The following HDAC1 variants were observed in gnomAD, a reference collection of about 807,000 sequenced individuals.
HDAC1 encodes the protein protein deacetylase HDAC1.
In HDAC1, 18 loss-of-function variants were observed where a neutral mutation model predicts 65.5. The ratio of observed to expected loss-of-function variants is 0.27; its 90% CI spans 0.19 to 0.41. The LOEUF is 0.41. Ranked by LOEUF, HDAC1 falls within the 10% of genes least tolerant of loss-of-function variation. The pLI is 1.00. For missense variants in HDAC1, 373 were observed against 625.2 expected (o/e 0.60, Z 4.30); for synonymous variants, 211 against 227.9 (o/e 0.93, Z 0.67).
intron 3 of HDAC1, 48 bp downstream of exon 3, chr1:32,316,830 C>T (rs201518508): frequency 6.6e-5 from 77 of 1,163,934 alleles, no homozygotes; most frequent in Non-Finnish European, 9.7e-5. Context: ...AGTTGCATCT[C>T]CCTTTCCACT....
rs965448654 is a variant in HDAC1, at chr1:32,316,537, C to T, written c.163-128C>T. 1.1e-5 allele frequency: 7 copies of T among 652,594 alleles called. No individual in the cohort carries two copies. The African/African-American group carries it at 1.3e-4, about 12-fold the overall frequency. The allele number at this position is 652,594 out of a possible 1,614,324, so 40.4% of individuals were successfully genotyped here. On this transcript the variant is annotated intron_variant, in intron 2 of 13. Transcript: ENST00000373548. ...AAATTTCTTGAAGCCTGAATCTAACCAGTTATTTCTTTTTATTCTTTATAG... is the reference window on the plus strand; with the variant it reads ...AAATTTCTTGAAGCCTGAATCTAACTAGTTATTTCTTTTTATTCTTTATAG...
At chr1:32,316,831 C>G in intron 3 of HDAC1, 49 bp downstream of exon 3, 1 of 1,159,048 alleles carries the variant, frequency 8.6e-7, no homozygotes, top group Non-Finnish European at 1.3e-6. Context: ...GTTGCATCTC[C>G]CTTTCCACTG....
intron 2 of HDAC1, among the ~76,000 whole-genome samples, chr1:32,311,173 A>G (rs1640986122): frequency 6.6e-6 from 1 of 152,114 alleles, no homozygotes; most frequent in Non-Finnish European, 1.5e-5. Flanking sequence ...AGAATCAAAG[A>G]TGATTCTTGC....
At chr1:32,307,953 AAG>A (rs1325607315) in intron 2 of HDAC1, among the ~76,000 whole-genome samples, 1 of 152,324 alleles carries the variant, frequency 6.6e-6, no homozygotes, top group East Asian at 1.9e-4. Context: ...ATATTTGTGA[AAG>A]AGAGCAGGGG....
intron 2 of HDAC1, 28 bp downstream of exon 2, chr1:32,302,761 C>A (rs775414902): frequency 1.0e-6 from 1 of 954,252 alleles, no homozygotes; most frequent in Non-Finnish European, 1.7e-6. Flanking sequence ...CTACCGCTCC[C>A]TAACCTCATC....
intron 12 of HDAC1, 26 bp from the exon 13 acceptor site, chr1:32,332,675 G>A: frequency 3.9e-6 from 6 of 1,547,658 alleles, no homozygotes; most frequent in Non-Finnish European, 5.2e-6. Context: ...GCTGCCCTTG[G>A]CCATCCCTGT....
At chr1:32,299,735 A>G (rs910291882) in intron 1 of HDAC1, among the ~76,000 whole-genome samples, 5 of 152,182 alleles carry the variant, frequency 3.3e-5, no homozygotes, top group African/African-American at 1.2e-4. Flanking sequence ...CCTCTAGATT[A>G]AGTGCAAACT....
chr1:32,299,081 T>C lies in HDAC1; in HGVS notation c.50-3540T>C, dbSNP rs148865656. Among the ~76,000 whole-genome samples, 468 of 152,262 alleles carry C rather than the reference T, an allele frequency of 3.1e-3. 1 individual carries two copies. Among genetic ancestry groups the C allele is most frequent in the African/African-American group, 0.011 (445 of 41,544 alleles). The stretch of plus-strand genomic sequence containing the variant: ...GTCTCTCAGCAACCTGATTAAGATA[T>C]AGAGATATATCTTTATTTTAATTAC... On this transcript the variant is annotated intron_variant, in intron 1 of 13. Coordinates refer to ENST00000373548, the MANE Select transcript of HDAC1 (RefSeq NM_004964.3).
In HDAC1 at chr1:32,302,637, C is replaced by T. The variant is rs769077731; in HGVS notation, c.66C>T (p.Tyr22=). 6.3e-7 allele frequency: 1 copy of T among 1,576,150 alleles called. No homozygotes were observed. The highest frequency in any genetic ancestry group is 1.3e-5 in the African/African-American group (1 of 74,196). Residue 22 remains tyrosine (Y), a synonymous_variant, in exon 2 of 14, where the codon TAC becomes TAT. Coordinates refer to ENST00000373548, the MANE Select transcript of HDAC1 (RefSeq NM_004964.3). ...CTTCTTCAGGGGATGTTGGAAATTA[C>T]TATTATGGACAAGGCCACCCAATGA... The part of the protein sequence containing the change: ...CYYYDGDVGN[Y]YYGQGHPMKP...
intron 3 of HDAC1, among the ~76,000 whole-genome samples, chr1:32,322,997 A>G (rs1254283076): frequency 1.6e-4 from 25 of 152,110 alleles, no homozygotes. Flanking sequence ...ATATATTTTC[A>G]CAGGCTTTTA....
chr1:32,330,628 G>T lies in HDAC1; in HGVS notation c.780G>T (p.Gln260His). 1 of 1,614,052 alleles carries T rather than the reference G, an allele frequency of 6.2e-7. No homozygotes were observed. Among genetic ancestry groups the T allele is most frequent in the Non-Finnish European group, 8.5e-7 (1 of 1,179,948 alleles). Residue 260 changes from glutamine (Q) to histidine (H), a missense_variant, in exon 8 of 14, where the codon CAG (glutamine) becomes CAT (histidine). Coordinates refer to ENST00000373548, the MANE Select transcript of HDAC1 (RefSeq NM_004964.3). The surrounding 1 kb of genome is among the most constrained non-coding windows in gnomAD (Gnocchi z 4.2). ...TCCAGCCTAGTGCGGTGGTCTTACA[G>T]TGTGGCTCAGACTCCCTATCTGGGG... ...EMFQPSAVVLQCGSDSLSGDR... is the reference protein window; with the variant it reads ...EMFQPSAVVLHCGSDSLSGDR...
intron 4 of HDAC1, among the ~76,000 whole-genome samples, chr1:32,325,491 T>C (rs534314737): frequency 1.3e-5 from 2 of 152,374 alleles, no homozygotes; most frequent in South Asian, 2.1e-4. Context: ...TTCTTTTGTG[T>C]GTGTGTTTAT....
intron 1 of HDAC1, among the ~76,000 whole-genome samples, chr1:32,296,425 C>T (rs1640767483): frequency 6.6e-6 from 1 of 152,154 alleles, no homozygotes; most frequent in African/African-American, 2.4e-5. Context: ...AGTGCAGTGG[C>T]ATGATCCTGG....
chr1:32,302,913 T>G (rs1640868586), intron 2 of HDAC1, among the ~76,000 whole-genome samples, 180 bp downstream of exon 2: 1 of 152,232 alleles, frequency 6.6e-6, no homozygotes, highest in South Asian at 2.1e-4. Context: ...GGCTCACGCC[T>G]GTAATCACAG....
In HDAC1 at chr1:32,332,918, C is replaced by T. The variant is rs955317471; in HGVS notation, c.1422-99C>T. On this transcript the variant is annotated intron_variant, in intron 13 of 13. Transcript: ENST00000373548. Reference sequence around the variant, plus strand: ...CTAGGCAGAGCTAGGAGCCCCAGCCCCCAGTAGTCACCTAGGATCCTGTGG... The same window carrying T: ...CTAGGCAGAGCTAGGAGCCCCAGCCTCCAGTAGTCACCTAGGATCCTGTGG... The T allele has an allele frequency of 1.0e-4, 139 of 1,329,346 alleles. No homozygotes were observed. In the Admixed American group the frequency reaches 2.5e-3, roughly 24 times the overall value. 82.3% of individuals were successfully genotyped at this position (1,329,346 alleles called of 1,614,324 possible).
chr1:32,326,859 T>C lies in HDAC1; in HGVS notation c.356-80T>C, dbSNP rs1641226595. ...CTGTTGAATAGGCAGGTCTTAACCT[T>C]TCACTAGGTTCCCTGGGCTTCTTGG... On this transcript the variant is annotated intron_variant, in intron 4 of 13. Coordinates refer to ENST00000373548, the MANE Select transcript of HDAC1 (RefSeq NM_004964.3). The C allele has an allele frequency of 4.6e-6, 7 of 1,526,846 alleles. No individual in the cohort carries two copies. The South Asian group carries it at 8.2e-5, about 18-fold the overall frequency. 94.6% of individuals were successfully genotyped at this position (1,526,846 alleles called of 1,614,324 possible). A position where few individuals can be genotyped will look rare whatever the true frequency, so the allele number is the denominator to read the frequency against.
chr1:32,292,107 GA>G lies in HDAC1; in HGVS notation c.-62del, dbSNP rs1416363223. 12 of 1,512,672 alleles carry G rather than the reference GA, an allele frequency of 7.9e-6. No homozygotes were observed. The African/African-American group carries it at 1.4e-4, about 17-fold the overall frequency. The allele number at this position is 1,512,672 out of a possible 1,614,324, so 93.7% of individuals were successfully genotyped here. On this transcript the variant is annotated 5_prime_UTR_variant, in exon 1 of 14. Coordinates refer to ENST00000373548, the MANE Select transcript of HDAC1 (RefSeq NM_004964.3). The stretch of plus-strand genomic sequence containing the variant: ...CCCCCTCCCCCCTGGGTCGGACGCT[GA>G]GCGGAGCCGCGGGCGGGAGGGCGGA...
chr1:32,296,188 G>A (rs763894634), intron 1 of HDAC1, among the ~76,000 whole-genome samples: 3 of 152,156 alleles, frequency 2.0e-5, no homozygotes, highest in Non-Finnish European at 4.4e-5. Flanking sequence ...ATAAATATTT[G>A]TTGATTAAAT....
intron 2 of HDAC1, among the ~76,000 whole-genome samples, chr1:32,307,839 T>G (rs1468618870): frequency 6.6e-6 from 1 of 152,156 alleles, no homozygotes; most frequent in Non-Finnish European, 1.5e-5. Context: ...TTCAGAGATT[T>G]GGGATAAGGG....
Sources: gnomAD v4.1 joint callset for allele counts (sites outside exome capture counted in the v4.1 genomes callset) on GRCh38, gnomAD v4.1.1 for gene constraint, Gnocchi (gnomAD v3.1) non-coding constraint, MANE v1.5 for transcripts, NCBI Gene and HGNC (gene_info 2026-07-23, HGNC 2026-07-21) for gene names.